KHDRBS1: variants seen among roughly 807,000 people sequenced by gnomAD.
KHDRBS1 encodes the protein KH domain-containing, RNA-binding, signal transduction-associated protein 1.
In KHDRBS1, 7 loss-of-function variants were observed where a neutral mutation model predicts 48.4. That is an observed-to-expected ratio of 0.14 (90% CI 0.08 to 0.27). KHDRBS1 has a LOEUF of 0.27. Ranked by LOEUF, KHDRBS1 falls within the 10% of genes least tolerant of loss-of-function variation. The probability of loss-of-function intolerance (pLI) is 1.00; values close to 1 mark genes in which losing one functional copy is unlikely to be tolerated. For synonymous variants in KHDRBS1, 241 were observed against 235.8 expected (o/e 1.02, Z -0.20); for missense variants, 458 against 601.2 (o/e 0.76, Z 2.49).
intron 4 of KHDRBS1, among the ~76,000 whole-genome samples, chr1:32,036,002 T>C (rs1448133210): frequency 6.6e-6 from 1 of 152,072 alleles, no homozygotes; most frequent in Non-Finnish European, 1.5e-5. Context: ...AGCCTGTTGA[T>C]CCAACACCTA....
Position 32,013,944 on chromosome 1 carries a change from C to T in KHDRBS1, c.-52C>T, listed in dbSNP as rs2124348201. On this transcript the variant is annotated 5_prime_UTR_variant, in exon 1 of 9. Transcript: ENST00000327300. ...CACCCCCGCCAACCGCCGCTCGGGC[C>T]TCCGTCGCTGCCGCGTCGCTTTCTC... The T allele has an allele frequency of 4.3e-6, 6 of 1,382,468 alleles. No homozygotes were observed. Among genetic ancestry groups the T allele is most frequent in the South Asian group, 3.2e-5 (2 of 62,918 alleles). The allele number at this position is 1,382,468 out of a possible 1,614,324, so 85.6% of individuals were successfully genotyped here.
At position 32,028,025 on chromosome 1, in the gene KHDRBS1, G is replaced by C. The variant is rs150387192; in HGVS notation, c.383-2273G>C. 5.3e-3 allele frequency among the ~76,000 whole-genome samples: 801 copies of C among 152,346 alleles called. 2 individuals are homozygous for C. The highest frequency in any genetic ancestry group is 9.1e-3 in the Non-Finnish European group (621 of 68,028). ...CCAGCTACTCGGAAGGCTGAGGCAG[G>C]AGAATCGCTTGAACCCGGGAAGCAG... On this transcript the variant is annotated intron_variant, in intron 1 of 8. Transcript: ENST00000327300.
chr1:32,026,583 A>G (rs1638974607), intron 1 of KHDRBS1, among the ~76,000 whole-genome samples: 1 of 152,208 alleles, frequency 6.6e-6, no homozygotes, highest in African/African-American at 2.4e-5. Context: ...TTAAGAAATG[A>G]AAAAATGAAA....
At chr1:32,044,662 GTAAA>G (rs530557259), downstream of KHDRBS1, among the ~76,000 whole-genome samples, 11 of 152,126 alleles carry the variant, frequency 7.2e-5, no homozygotes, top group Non-Finnish European at 1.6e-4. Context: ...GTGATAAAAT[GTAAA>G]TAACTGAATT....
chr1:32,040,610 C>T (rs541054675), intron 8 of KHDRBS1, among the ~76,000 whole-genome samples: 1 of 152,328 alleles, frequency 6.6e-6, no homozygotes, highest in Non-Finnish European at 1.5e-5. Context: ...ACACATCGCT[C>T]AAGTGTGTCC....
intron 4 of KHDRBS1, among the ~76,000 whole-genome samples, chr1:32,036,668 GA>G (rs1438457538): frequency 6.6e-6 from 1 of 152,092 alleles, no homozygotes; most frequent in East Asian, 1.9e-4. Flanking sequence ...TATAGAGAGA[GA>G]ATGGAAGTGA....
chr1:32,032,352 A>G (rs967355293), intron 3 of KHDRBS1, among the ~76,000 whole-genome samples: 4 of 152,138 alleles, frequency 2.6e-5, no homozygotes, highest in African/African-American at 9.7e-5. Flanking sequence ...TTCTCAGGTC[A>G]TTTCTTGCTA....
At chr1:32,055,710 G>A (rs1038388933) in intron 10 of KHDRBS1, among the ~76,000 whole-genome samples, 3 of 152,018 alleles carry the variant, frequency 2.0e-5, no homozygotes, top group African/African-American at 7.2e-5. Context: ...GCTCTTCAAG[G>A]CCCCTTAGGA....
chr1:32,051,859 G>A (rs1262140649), intron 10 of KHDRBS1, among the ~76,000 whole-genome samples: 1 of 152,220 alleles, frequency 6.6e-6, no homozygotes, highest in African/African-American at 2.4e-5. Flanking sequence ...CACCAAAAAT[G>A]TGGATTAGAG....
At position 32,014,170 on chromosome 1, in the gene KHDRBS1, CCCGCCACGCAG is replaced by C; in HGVS notation, c.183_193del (p.Gln62AlafsTer65). The C allele has an allele frequency of 7.6e-7, 1 of 1,309,164 alleles. No homozygotes were observed. The highest frequency in any genetic ancestry group is 9.7e-7 in the Non-Finnish European group (1 of 1,028,294). The allele number at this position is 1,309,164 out of a possible 1,614,324, so 81.1% of individuals were successfully genotyped here. A position where few individuals can be genotyped will look rare whatever the true frequency, so the allele number is the denominator to read the frequency against. On this transcript the variant is annotated frameshift_variant, in exon 1 of 9. Transcript: ENST00000327300. LOFTEE classifies it high-confidence loss of function. ...ATCCCGCGGGGGCGCCCGGGCCTCG[CCCGCCACGCAG>C]CCGCCACCGCTGCTGCCGCCCTCGG...
chr1:32,024,398 A>C (rs1048787558), intron 1 of KHDRBS1, among the ~76,000 whole-genome samples: 17 of 151,870 alleles, frequency 1.1e-4, no homozygotes, highest in Non-Finnish European at 1.9e-4. Context: ...ACAGCCTCCA[A>C]CTCCTGGGCT....
At position 32,021,216 on chromosome 1, in the gene KHDRBS1, C is replaced by T. The variant is rs557241090; in HGVS notation, c.382+6839C>T. 3.3e-5 allele frequency among the ~76,000 whole-genome samples: 5 copies of T among 152,058 alleles called. No individual in the cohort carries two copies. In the South Asian group the frequency reaches 1.0e-3, roughly 32 times the overall value. On this transcript the variant is annotated intron_variant, in intron 1 of 8. Coordinates refer to ENST00000327300, the MANE Select transcript of KHDRBS1 (RefSeq NM_006559.3). ...TCAATATGACAGAGTTTTCTACTGT[C>T]CTGGAATGTAAAAATTGAGCCCATA...
At chr1:32,023,170 G>A (rs528861239) in intron 1 of KHDRBS1, among the ~76,000 whole-genome samples, 3 of 152,194 alleles carry the variant, frequency 2.0e-5, no homozygotes, top group South Asian at 2.1e-4. Context: ...ATTAAGCAAC[G>A]TGGAAGCTTA....
In KHDRBS1 at chr1:32,042,747, G is replaced by A; in HGVS notation, c.*123G>A. On this transcript the variant is annotated 3_prime_UTR_variant, in exon 9 of 9. Transcript: ENST00000327300. ...AATTGTCTAAGTGTTTTTCTTCGTG[G>A]TCCCCTTCTTCTCCCCACCTTATTC... 1.6e-6 allele frequency: 1 copy of A among 637,112 alleles called. No individual in the cohort carries two copies. The highest frequency in any genetic ancestry group is 2.8e-6 in the Non-Finnish European group (1 of 353,740). The allele number at this position is 637,112 out of a possible 1,614,324, so 39.5% of individuals were successfully genotyped here.
chr1:32,036,533 G>C (rs993878257), intron 4 of KHDRBS1, among the ~76,000 whole-genome samples: 1 of 152,126 alleles, frequency 6.6e-6, no homozygotes, highest in African/African-American at 2.4e-5. Context: ...AGTGCATACA[G>C]CTCCATTAAT....
intron 4 of KHDRBS1, 75 bp downstream of exon 4, chr1:32,033,409 C>T (rs1639118168): frequency 6.3e-7 from 1 of 1,576,054 alleles, no homozygotes; most frequent in Admixed American, 1.8e-5. Flanking sequence ...GGTAGGGGTT[C>T]TTAACTAAGG....
chr1:32,014,412 G>C, intron 1 of KHDRBS1, 35 bp downstream of exon 1: 1 of 1,295,992 alleles, frequency 7.7e-7, no homozygotes, highest in East Asian at 3.1e-5. Flanking sequence ...TGGGTCGCCC[G>C]GCCATCCCGG....
At chr1:32,019,231 A>G (rs1430519079) in intron 1 of KHDRBS1, among the ~76,000 whole-genome samples, 5 of 152,166 alleles carry the variant, frequency 3.3e-5, no homozygotes, top group South Asian at 2.1e-4. Flanking sequence ...TTCACCATTC[A>G]TTGGATAATG....
Position 32,043,323 on chromosome 1 carries a change from T to A in KHDRBS1, c.*699T>A, listed in dbSNP as rs956419612. 2.6e-5 allele frequency: 4 copies of A among 152,530 alleles called. No individual in the cohort carries two copies. The highest frequency in any genetic ancestry group is 9.7e-5 in the African/African-American group (4 of 41,440). The allele number at this position is 152,530 out of a possible 1,614,324, so 9.4% of individuals were successfully genotyped here. On this transcript the variant is annotated 3_prime_UTR_variant, in exon 9 of 9. Coordinates refer to ENST00000327300, the MANE Select transcript of KHDRBS1 (RefSeq NM_006559.3). The stretch of plus-strand genomic sequence containing the variant: ...AAAATTAGGCTTGTAAAACTGACTT[T>A]TTCATTACGTGGGTTTTGAAATCTA...
Sources: gnomAD v4.1 joint callset for allele counts (sites outside exome capture counted in the v4.1 genomes callset) on GRCh38, gnomAD v4.1.1 for gene constraint, MANE v1.5 for transcripts, NCBI Gene and HGNC (gene_info 2026-07-23, HGNC 2026-07-21) for gene names.